ZDHHC14: variants seen among roughly 807,000 people sequenced by gnomAD.
ZDHHC14 encodes palmitoyltransferase ZDHHC14.
A neutral mutation model predicts 47.7 loss-of-function variants in ZDHHC14; 16 were observed. The ratio of observed to expected loss-of-function variants is 0.34; its 90% confidence interval spans 0.23 to 0.51. The LOEUF is 0.51. Ranked by LOEUF, ZDHHC14 falls within the 20% of genes least tolerant of loss-of-function variation. ZDHHC14 has a pLI of 0.97. For missense variants in ZDHHC14, 515 were observed against 662.5 expected (o/e 0.78, Z 2.44); for synonymous variants, 293 against 278.9 (o/e 1.05, Z -0.50).
chr6:157,427,653 C>T lies in ZDHHC14; in HGVS notation c.245+45387C>T, dbSNP rs980375824. ...ACAGAGGGGCCCGCAGGCAGAGGAA[C>T]GTGAGTATTGAGATGTCGGCATGGG... On this transcript the variant is annotated intron_variant, in intron 1 of 8. Transcript: ENST00000359775. This position sits in a 1 kb window ranked among gnomAD's most constrained non-coding sequence, Gnocchi z 4.4. Among the ~76,000 whole-genome samples the T allele has an allele frequency of 2.6e-5, 4 of 152,056 alleles. No individual in the cohort carries two copies. Among genetic ancestry groups the T allele is most frequent in the South Asian group, 2.1e-4 (1 of 4,818 alleles).
chr6:157,635,283 G>C (rs781181565), intron 5 of ZDHHC14, among the ~76,000 whole-genome samples: 5 of 152,172 alleles, frequency 3.3e-5, no homozygotes, highest in African/African-American at 1.2e-4. Context: ...GTGAGCTACC[G>C]CGCCCAGCCA....
At chr6:157,664,263 A>G (rs1778461450) in intron 8 of ZDHHC14, among the ~76,000 whole-genome samples, 1 of 152,144 alleles carries the variant, frequency 6.6e-6, no homozygotes, top group Admixed American at 6.5e-5. Context: ...TCATCCAGAT[A>G]ATTTTTCATT....
At chr6:157,469,165 G>T (rs1375046431) in intron 1 of ZDHHC14, among the ~76,000 whole-genome samples, 4 of 152,164 alleles carry the variant, frequency 2.6e-5, no homozygotes, top group African/African-American at 7.2e-5. Context: ...GAACTCCAAG[G>T]GGCTGTCCTC....
At chr6:157,385,200 C>A (rs988191343) in intron 1 of ZDHHC14, among the ~76,000 whole-genome samples, 8 of 152,164 alleles carry the variant, frequency 5.3e-5, no homozygotes, top group Admixed American at 2.6e-4. Flanking sequence ...GCAATCCTCC[C>A]TTCTCAGTCT....
chr6:157,485,712 A>G (rs903449102), intron 1 of ZDHHC14, among the ~76,000 whole-genome samples: 26 of 149,468 alleles, frequency 1.7e-4, no homozygotes, highest in African/African-American at 5.9e-4. Context: ...AAAAAAATCT[A>G]TAAAGAATGC....
intron 8 of ZDHHC14, among the ~76,000 whole-genome samples, chr6:157,660,558 C>G (rs1461204947): frequency 6.6e-6 from 1 of 152,188 alleles, no homozygotes; most frequent in African/African-American, 2.4e-5. Context: ...CCAGCTGACC[C>G]TCTTCAGACC....
At chr6:157,467,664 C>T (rs982168631) in intron 1 of ZDHHC14, among the ~76,000 whole-genome samples, 9 of 152,010 alleles carry the variant, frequency 5.9e-5, no homozygotes, top group Admixed American at 2.0e-4. Context: ...ATTCTCCTGC[C>T]TCAGACTCGC....
At chr6:157,486,903 G>A (rs901636852) in intron 1 of ZDHHC14, among the ~76,000 whole-genome samples, 19 of 152,226 alleles carry the variant, frequency 1.2e-4, no homozygotes, top group African/African-American at 4.8e-5. Context: ...GGAGGATGCA[G>A]GAGGTGGGCT....
intron 3 of ZDHHC14, among the ~76,000 whole-genome samples, chr6:157,618,407 C>T (rs959733308): frequency 1.1e-4 from 16 of 152,074 alleles, no homozygotes; most frequent in Middle Eastern, 3.2e-3. Flanking sequence ...CTGCAACCTC[C>T]GCCTCCTGGG....
At chr6:157,665,388 A>G (rs1778511146) in intron 8 of ZDHHC14, among the ~76,000 whole-genome samples, 1 of 152,172 alleles carries the variant, frequency 6.6e-6, no homozygotes, top group Non-Finnish European at 1.5e-5. Flanking sequence ...AGCTGTTTCC[A>G]GTGTTTACTT....
At chr6:157,655,679 T>G (rs1778053988) in intron 8 of ZDHHC14, among the ~76,000 whole-genome samples, 3 of 152,160 alleles carry the variant, frequency 2.0e-5, no homozygotes. Context: ...GATACAAAGT[T>G]TGTGGGGTAC....
At chr6:157,654,164 C>T (rs150585718) in intron 8 of ZDHHC14, among the ~76,000 whole-genome samples, 192 of 152,286 alleles carry the variant, frequency 1.3e-3, no homozygotes, top group African/African-American at 4.4e-3. Context: ...CTCTCCAGAG[C>T]GTGTGCACAT....
At chr6:157,561,722 C>T (rs1331645609) in intron 2 of ZDHHC14, among the ~76,000 whole-genome samples, 2 of 152,258 alleles carry the variant, frequency 1.3e-5, no homozygotes, top group African/African-American at 2.4e-5. Context: ...AGTGCAGTGG[C>T]GTGATCATGG....
chr6:157,524,033 G>A (rs1781065482), intron 1 of ZDHHC14, among the ~76,000 whole-genome samples: 1 of 152,244 alleles, frequency 6.6e-6, no homozygotes, highest in Non-Finnish European at 1.5e-5. Flanking sequence ...CAGAAATGCA[G>A]CTGGAAGAGA....
intron 1 of ZDHHC14, among the ~76,000 whole-genome samples, chr6:157,520,167 G>A (rs1412441038): frequency 6.6e-6 from 1 of 152,146 alleles, no homozygotes; most frequent in Non-Finnish European, 1.5e-5. Context: ...CCTGATCTGG[G>A]GCCGTGGCTC....
intron 1 of ZDHHC14, among the ~76,000 whole-genome samples, chr6:157,402,150 G>T (rs1188074638): frequency 6.7e-6 from 1 of 150,104 alleles, no homozygotes; most frequent in Non-Finnish European, 1.5e-5. Flanking sequence ...GCCTGCTGAG[G>T]TCACAGCAAG....
intron 8 of ZDHHC14, among the ~76,000 whole-genome samples, chr6:157,671,735 G>A (rs1043987077): frequency 6.6e-6 from 1 of 152,178 alleles, no homozygotes; most frequent in African/African-American, 2.4e-5. Context: ...TCTCAAACGT[G>A]GGCATTCTCA....
intron 1 of ZDHHC14, among the ~76,000 whole-genome samples, chr6:157,462,568 C>T (rs1408370726): frequency 6.6e-6 from 1 of 152,208 alleles, no homozygotes; most frequent in Non-Finnish European, 1.5e-5. Context: ...TTGGGTTAGG[C>T]AAAGAAATGT....
At chr6:157,388,289 G>A (rs1777357191) in intron 1 of ZDHHC14, among the ~76,000 whole-genome samples, 2 of 152,148 alleles carry the variant, frequency 1.3e-5, no homozygotes, top group African/African-American at 4.8e-5. Context: ...TTAGCTAGTA[G>A]GAAGTGATAC....
Sources: gnomAD v4.1 joint callset for allele counts (sites outside exome capture counted in the v4.1 genomes callset) on GRCh38, gnomAD v4.1.1 for gene constraint, Gnocchi (gnomAD v3.1) non-coding constraint, MANE v1.5 for transcripts, NCBI Gene and HGNC (gene_info 2026-07-23, HGNC 2026-07-21) for gene names.